The following AUTS2 variants were observed in gnomAD, a reference collection of about 807,000 sequenced individuals.
The protein encoded by AUTS2 is activator of transcription and developmental regulator AUTS2.
Under a neutral mutation model 112.4 loss-of-function variants are expected in AUTS2, and 17 were observed. The observed-to-expected ratio is 0.15, with a 90% CI of 0.10 to 0.23. AUTS2 has a LOEUF of 0.23. AUTS2 is among the 10% of genes least tolerant of loss of function. The pLI is 1.00. For synonymous variants in AUTS2, 751 were observed against 702.7 expected, an observed-to-expected ratio of 1.07 and a Z score of -1.09; for missense variants, 1,510 against 1,701.6, an observed-to-expected ratio of 0.89 and a Z score of 1.98.
At chr7:70,320,032 TATTA>T (rs1790179680) in intron 4 of AUTS2, among the ~76,000 whole-genome samples, 1 of 152,234 alleles carries the variant, frequency 6.6e-6, no homozygotes, top group Admixed American at 6.5e-5. Flanking sequence ...TTTAATCATT[TATTA>T]ATTATTCAAC....
chr7:70,239,792 T>C (rs538252113), intron 4 of AUTS2, among the ~76,000 whole-genome samples: 1 of 152,292 alleles, frequency 6.6e-6, no homozygotes, highest in Non-Finnish European at 1.5e-5. Context: ...TCATACCACT[T>C]GGAATTCTTG....
chr7:70,104,508 G>A (rs1417130270), intron 2 of AUTS2, among the ~76,000 whole-genome samples: 1 of 152,186 alleles, frequency 6.6e-6, no homozygotes, highest in Non-Finnish European at 1.5e-5. Flanking sequence ...ACCTTACTGT[G>A]TGGGAATTAA....
chr7:69,959,842 G>A (rs947453306), intron 2 of AUTS2, among the ~76,000 whole-genome samples: 3 of 152,038 alleles, frequency 2.0e-5, no homozygotes, highest in Non-Finnish European at 4.4e-5. Flanking sequence ...ACTCTGTACT[G>A]CACCTGGTGT....
At chr7:69,608,396 A>G (rs1185520052) in intron 1 of AUTS2, among the ~76,000 whole-genome samples, 2 of 152,162 alleles carry the variant, frequency 1.3e-5, no homozygotes, top group African/African-American at 2.4e-5. Context: ...AGTTTTTGTA[A>G]AGTTTCTGAT....
intron 1 of AUTS2, among the ~76,000 whole-genome samples, chr7:69,877,521 T>C (rs1207773677): frequency 2.0e-5 from 3 of 152,154 alleles, no homozygotes; most frequent in Non-Finnish European, 4.4e-5. Context: ...TACCTGAGTA[T>C]ACTGGGTGAT....
At chr7:70,189,746 C>T (rs1809787094) in intron 4 of AUTS2, among the ~76,000 whole-genome samples, 1 of 152,142 alleles carries the variant, frequency 6.6e-6, no homozygotes, top group Non-Finnish European at 1.5e-5. Flanking sequence ...TTATTGATTT[C>T]TTTGATGCTG....
chr7:70,018,402 A>G (rs560593373), intron 2 of AUTS2, among the ~76,000 whole-genome samples: 1 of 152,226 alleles, frequency 6.6e-6, no homozygotes, highest in African/African-American at 2.4e-5. Context: ...TGAAGGGTAT[A>G]CCAGGATCTA....
intron 1 of AUTS2, among the ~76,000 whole-genome samples, chr7:69,872,579 G>A (rs1330288028): frequency 1.3e-5 from 2 of 151,858 alleles, no homozygotes; most frequent in Non-Finnish European, 2.9e-5. Context: ...TTTTTCTCCC[G>A]AATTATACAA....
intron 1 of AUTS2, among the ~76,000 whole-genome samples, chr7:69,732,650 G>A (rs1786849976): frequency 6.6e-6 from 1 of 151,860 alleles, no homozygotes; most frequent in South Asian, 2.1e-4. Flanking sequence ...CCAAATATGA[G>A]GTATCTGTTT....
rs148604002 is a variant in AUTS2 at position 70,790,992 on chromosome 7, G to C, written c.3776G>C (p.Arg1259Pro). Residue 1259 changes from arginine to proline, a missense_variant, in exon 19 of 19, where the codon CGA becomes CCA. Transcript: ENST00000342771. This position sits in a 1 kb window ranked among gnomAD's most constrained non-coding sequence, Gnocchi z 7.6. ...PSHTLKDIEA[R>P] ...CACACGCTGAAGGATATCGAGGCCC[G>C]ATAAGCCGAGAACAGGAGCAAGAAC... 6.7e-7 allele frequency: 1 copy of C among 1,495,090 alleles called. No individual in the cohort carries two copies. Among genetic ancestry groups the C allele is most frequent in the Admixed American group, 2.4e-5 (1 of 41,684 alleles). 92.6% of individuals were successfully genotyped at this position (1,495,090 alleles called of 1,614,324 possible).
intron 5 of AUTS2, among the ~76,000 whole-genome samples, chr7:70,529,925 TG>T (rs1800009554): frequency 6.6e-6 from 1 of 152,286 alleles, no homozygotes; most frequent in East Asian, 1.9e-4. Flanking sequence ...AGAATTTGCT[TG>T]GGGGAAAAAT....
intron 2 of AUTS2, among the ~76,000 whole-genome samples, chr7:69,958,760 G>T (rs1562995364): frequency 6.6e-6 from 1 of 152,168 alleles, no homozygotes; most frequent in Non-Finnish European, 1.5e-5. Flanking sequence ...CAAGGTGTCT[G>T]AGTCGGTAGG....
chr7:70,032,497 A>T (rs1800826925), intron 2 of AUTS2, among the ~76,000 whole-genome samples: 1 of 152,134 alleles, frequency 6.6e-6, no homozygotes, highest in African/African-American at 2.4e-5. Context: ...ATGAACCTGA[A>T]TTTGAATTTT....
chr7:70,012,068 A>G (rs974219248), intron 2 of AUTS2, among the ~76,000 whole-genome samples: 21 of 152,102 alleles, frequency 1.4e-4, no homozygotes, highest in African/African-American at 5.1e-4. Flanking sequence ...TTCTTGCTCC[A>G]TTTTCATCTT....
intron 4 of AUTS2, among the ~76,000 whole-genome samples, chr7:70,256,386 A>G (rs1195837257): frequency 2.0e-5 from 3 of 152,220 alleles, no homozygotes; most frequent in African/African-American, 7.2e-5. Flanking sequence ...AACAGGCAGC[A>G]ATGGTGGTGT....
intron 4 of AUTS2, among the ~76,000 whole-genome samples, chr7:70,324,812 C>T (rs927990015): frequency 3.3e-5 from 5 of 152,178 alleles, no homozygotes; most frequent in African/African-American, 4.8e-5. Context: ...TGCCATGTGG[C>T]GGGACTTATT....
chr7:70,339,333 G>T (rs1791149117), intron 4 of AUTS2, among the ~76,000 whole-genome samples: 1 of 152,028 alleles, frequency 6.6e-6, no homozygotes, highest in African/African-American at 2.4e-5. Flanking sequence ...TCTTTATCTA[G>T]ATAAATTTGA....
chr7:70,603,348 C>T (rs1186631214), intron 5 of AUTS2, among the ~76,000 whole-genome samples: 1 of 152,120 alleles, frequency 6.6e-6, no homozygotes, highest in Non-Finnish European at 1.5e-5. Context: ...TGCCAGGTAC[C>T]CTGTCACCTT....
At chr7:70,712,135 A>C in intron 6 of AUTS2, among the ~76,000 whole-genome samples, 1 of 137,208 alleles carries the variant, frequency 7.3e-6, no homozygotes, top group Admixed American at 7.6e-5. Flanking sequence ...GTTATCCTCC[A>C]GCCTCAGCCT....
Sources: gnomAD v4.1 joint callset for allele counts (sites outside exome capture counted in the v4.1 genomes callset) on GRCh38, gnomAD v4.1.1 for gene constraint, Gnocchi (gnomAD v3.1) non-coding constraint, MANE v1.5 for transcripts, NCBI Gene and HGNC (gene_info 2026-07-23, HGNC 2026-07-21) for gene names.